Variants in THOC7 observed in about 807,000 individuals in gnomAD.
THOC7 encodes the protein THO complex subunit 7, also known as NIF3L1-binding protein 1.
In THOC7, 22 loss-of-function variants were observed where a neutral mutation model predicts 33.1. The observed-to-expected ratio is 0.66, with a 90% confidence interval of 0.47 to 0.95. The LOEUF is 0.95. THOC7 is among the 40% of genes least tolerant of loss of function. The pLI is 0.00. For synonymous variants in THOC7, 77 were observed against 76.8 expected, an observed-to-expected ratio of 1.00 and a Z score of -0.01; for missense variants, 184 against 245.3, an observed-to-expected ratio of 0.75 and a Z score of 1.67.
At chr3:63,843,011 C>T (rs938113402) in intron 1 of THOC7, among the ~76,000 whole-genome samples, 1 of 151,954 alleles carries the variant, frequency 6.6e-6, no homozygotes, top group Non-Finnish European at 1.5e-5. Context: ...TGGTCTCAAA[C>T]TACTGAACTC....
intron 1 of THOC7, among the ~76,000 whole-genome samples, chr3:63,851,739 G>C (rs1005639017): frequency 6.6e-6 from 1 of 152,164 alleles, no homozygotes; most frequent in Non-Finnish European, 1.5e-5. Flanking sequence ...CTAATATGCT[G>C]TCTGTTCTGT....
intron 1 of THOC7, among the ~76,000 whole-genome samples, chr3:63,855,819 G>T (rs906564234): frequency 6.6e-6 from 1 of 152,188 alleles, no homozygotes; most frequent in Non-Finnish European, 1.5e-5. Flanking sequence ...TACCAGTGAG[G>T]ATTAGCATTT....
intron 1 of THOC7, chr3:63,861,705 T>C (rs1487284206): frequency 6.6e-6 from 1 of 152,142 alleles, no homozygotes; most frequent in Non-Finnish European, 1.5e-5. Flanking sequence ...TACGTAAACG[T>C]TAGTAAGTGG....
chr3:63,863,351 C>A (rs974307463), intron 1 of THOC7, among the ~76,000 whole-genome samples: 1 of 152,186 alleles, frequency 6.6e-6, no homozygotes, highest in East Asian at 1.9e-4. Flanking sequence ...GCCCTAAGCC[C>A]GGCACCACTG....
intron 2 of THOC7, 127 bp downstream of exon 2, chr3:63,839,529 T>C (rs1257308716): frequency 2.5e-6 from 2 of 794,648 alleles, no homozygotes; most frequent in South Asian, 1.5e-5. Context: ...CTACTCTTGG[T>C]TAATTAAGAG....
intron 1 of THOC7, among the ~76,000 whole-genome samples, chr3:63,845,313 G>A (rs1216798607): frequency 6.6e-6 from 1 of 152,156 alleles, no homozygotes; most frequent in Non-Finnish European, 1.5e-5. Context: ...GGTTCATAGT[G>A]GCTGACAAGT....
intron 4 of THOC7, 27 bp downstream of exon 4, chr3:63,837,949 G>A: frequency 6.3e-7 from 1 of 1,586,646 alleles, no homozygotes; most frequent in East Asian, 2.3e-5. Context: ...TAATGTATTT[G>A]CACATTAAAT....
In THOC7 at chr3:63,838,063, C is replaced by A; in HGVS notation, c.266-1G>T. The A allele has an allele frequency of 6.3e-7, 1 of 1,591,312 alleles. No individual in the cohort carries two copies. Among genetic ancestry groups the A allele is most frequent in the South Asian group, 1.2e-5 (1 of 86,496 alleles). On this transcript the variant is annotated splice_acceptor_variant, in intron 3 of 7. Transcript: ENST00000295899. LOFTEE classifies it high-confidence loss of function. ...TCATGTGCTCCAGCTATGCTACATT[C>A]TATATGAGAAGGTTTTTTAAAAGAT...
chr3:63,838,027 C>T lies in THOC7; in HGVS notation c.301G>A (p.Glu101Lys). 1 of 1,609,330 alleles carries T rather than the reference C, an allele frequency of 6.2e-7. No individual in the cohort carries two copies. Reference sequence around the variant, plus strand: ...GCTTGAAGAATTTGCTTTTTGCACTCAGCAATTTTTTCATGTGCTCCAGCT... The same window carrying T: ...GCTTGAAGAATTTGCTTTTTGCACTTAGCAATTTTTTCATGTGCTCCAGCT... Reference protein sequence around the residue: ...SIAGAHEKIAECKKQILQAKR... With the variant: ...SIAGAHEKIAKCKKQILQAKR... The change falls in exon 4 of 8, where the codon GAG becomes AAG. Residue 101 changes from glutamate (E) to lysine (K), a missense_variant. Physicochemically the swap from Glu to Lys is moderately conservative, Grantham distance 56. Coordinates refer to ENST00000295899, the MANE Select transcript of THOC7 (RefSeq NM_025075.4).
chr3:63,836,339 T>G lies in THOC7; in HGVS notation c.372A>C (p.Lys124Asn). Reference protein sequence around the residue: ...KNRQEYDALAKVIQHHPDRHE... With the variant: ...KNRQEYDALANVIQHHPDRHE... ...GCCTGTCTGGATGGTGCTGAATCAC[T>G]TTTGCCAAAGCATCATATTCTGTAA... Residue 124 changes from lysine (K) to asparagine (N), a missense_variant, in exon 5 of 8, where the codon AAA (lysine) becomes AAC (asparagine). Around this residue, in one of 3 missense-constraint regions of THOC7, gnomAD observed 157 missense variants for 201.3 expected, o/e 0.78. Coordinates refer to ENST00000295899, the MANE Select transcript of THOC7 (RefSeq NM_025075.4). The G allele has an allele frequency of 6.2e-7, 1 of 1,612,614 alleles. No individual in the cohort carries two copies. Among genetic ancestry groups the G allele is most frequent in the South Asian group, 1.1e-5 (1 of 90,978 alleles).
intron 1 of THOC7, chr3:63,863,273 C>T: frequency 4.5e-6 from 1 of 221,610 alleles, no homozygotes; most frequent in Non-Finnish European, 7.6e-6. Flanking sequence ...AGACGAGTCC[C>T]GAAATTCCCG....
In THOC7 at chr3:63,839,681, A is replaced by C. The variant is rs1282761556; in HGVS notation, c.112T>G (p.Cys38Gly). ...CCCTCTTCCTGGGACCCAGAGTTGC[A>C]CCATTTAATGAAACTCTTCACTAGC... ...NLLVKSFIKW[C>G]NSGSQEEGYS... is the part of the protein sequence containing the mutation. The change falls in exon 2 of 8, where the codon TGC (cysteine) becomes GGC (glycine). Residue 38 changes from cysteine (C) to glycine (G), a missense_variant. Physicochemically the swap from Cys to Gly is radical, Grantham distance 159 (BLOSUM62 -3). This residue lies in a region of THOC7 where 157 missense variants were observed against 201.3 expected (regional missense o/e 0.78). Transcript: ENST00000295899. The C allele has an allele frequency of 6.2e-7, 1 of 1,612,144 alleles. No individual in the cohort carries two copies. The highest frequency in any genetic ancestry group is 8.5e-7 in the Non-Finnish European group (1 of 1,179,894).
At chr3:63,856,129 C>A (rs1231155827) in intron 1 of THOC7, among the ~76,000 whole-genome samples, 2 of 151,974 alleles carry the variant, frequency 1.3e-5, no homozygotes, top group Non-Finnish European at 2.9e-5. Flanking sequence ...ATAGACTATA[C>A]ACACTGATAT....
intron 1 of THOC7, among the ~76,000 whole-genome samples, chr3:63,844,697 T>G (rs1701848820): frequency 6.6e-6 from 1 of 152,180 alleles, no homozygotes; most frequent in Non-Finnish European, 1.5e-5. Flanking sequence ...ATTTCTTTTC[T>G]CCATCTCACA....
chr3:63,842,404 G>C (rs1051627019), intron 1 of THOC7, among the ~76,000 whole-genome samples: 2 of 152,060 alleles, frequency 1.3e-5, no homozygotes, highest in African/African-American at 4.8e-5. Context: ...ACAAAATGAA[G>C]AGTCCTCAAA....
intron 1 of THOC7, among the ~76,000 whole-genome samples, chr3:63,860,441 G>A (rs971880211): frequency 3.9e-5 from 6 of 152,144 alleles, no homozygotes; most frequent in African/African-American, 1.4e-4. Context: ...GATCTTCAGT[G>A]CTGAAAAGAG....
chr3:63,851,732 A>G (rs1409124419), intron 1 of THOC7, among the ~76,000 whole-genome samples: 1 of 152,188 alleles, frequency 6.6e-6, no homozygotes, highest in East Asian at 1.9e-4. Flanking sequence ...GAAATGACTA[A>G]TATGCTGTCT....
rs79872375 is a variant in THOC7 at position 63,857,245 on chromosome 3, T to C, written c.19+6527A>G. On this transcript the variant is annotated intron_variant, in intron 1 of 7. Transcript: ENST00000295899. ...TTCATATTGTGCATTTCTTCTTGAA[T>C]TTACTGACATGTAGTACTTTTTTTA... is the stretch of plus-strand genomic sequence containing the variant. Among the ~76,000 whole-genome samples the C allele has an allele frequency of 2.2e-3, 332 of 152,316 alleles. 10 individuals carry two copies. In the East Asian group the frequency reaches 0.056, roughly 26 times the overall value.
intron 2 of THOC7, among the ~76,000 whole-genome samples, chr3:63,839,062 T>C (rs1437943723): frequency 6.6e-6 from 1 of 152,124 alleles, no homozygotes; most frequent in Non-Finnish European, 1.5e-5. Flanking sequence ...TGGTGTTGCA[T>C]GCCTATAATC....
Sources: gnomAD v4.1 joint callset for allele counts (sites outside exome capture counted in the v4.1 genomes callset) on GRCh38, gnomAD v4.1.1 for gene constraint, gnomAD v4.1.1 regional missense constraint, MANE v1.5 for transcripts, NCBI Gene and HGNC (gene_info 2026-07-23, HGNC 2026-07-21) for gene names.